PDE4D: variants seen among roughly 807,000 people sequenced by gnomAD.
The protein encoded by PDE4D is 3',5'-cyclic-AMP phosphodiesterase 4D.
In PDE4D, 24 loss-of-function variants were observed where a neutral mutation model predicts 87.4. The observed-to-expected ratio is 0.27, with a 90% CI of 0.20 to 0.39. The LOEUF is 0.39. Among genes scored for constraint, PDE4D ranks in the 10% least tolerant of loss-of-function variants. The pLI, the probability that PDE4D is intolerant of heterozygous loss-of-function variation, is 1.00. For missense variants in PDE4D, 714 were observed against 1,041.0 expected (o/e 0.69, Z 4.32); for synonymous variants, 384 against 383.2 (o/e 1.00, Z -0.02).
intron 3 of PDE4D, among the ~76,000 whole-genome samples, chr5:59,975,372 T>G (rs1039527007): frequency 1.3e-5 from 2 of 152,206 alleles, no homozygotes; most frequent in Non-Finnish European, 2.9e-5. Context: ...ACTTACATCT[T>G]AAAGTTCATT....
At chr5:60,200,519 A>G (rs1741780548) in intron 1 of PDE4D, among the ~76,000 whole-genome samples, 1 of 144,780 alleles carries the variant, frequency 6.9e-6, no homozygotes, top group African/African-American at 2.4e-5. Context: ...GCTAGAATCT[A>G]GAGCTAGAAA....
chr5:59,889,311 C>T (rs1221022149), intron 1 of PDE4D, among the ~76,000 whole-genome samples: 1 of 147,878 alleles, frequency 6.8e-6, no homozygotes, highest in South Asian at 2.1e-4. Flanking sequence ...TAGGTTTTAG[C>T]TCTTTTCCTT....
At chr5:59,543,400 G>A (rs1471879033) in intron 1 of PDE4D, among the ~76,000 whole-genome samples, 1 of 152,080 alleles carries the variant, frequency 6.6e-6, no homozygotes, top group Non-Finnish European at 1.5e-5. Flanking sequence ...GAGTAGAAAT[G>A]GCTTTATCAA....
intron 1 of PDE4D, among the ~76,000 whole-genome samples, chr5:59,226,086 T>C (rs1351854310): frequency 1.3e-5 from 2 of 151,980 alleles, no homozygotes; most frequent in Non-Finnish European, 2.9e-5. Flanking sequence ...TAAAAAACAG[T>C]ATGGAAGTTC....
intron 2 of PDE4D, among the ~76,000 whole-genome samples, chr5:60,029,550 C>T (rs1766994748): frequency 6.6e-6 from 1 of 152,144 alleles, no homozygotes; most frequent in African/African-American, 2.4e-5. Flanking sequence ...CTAAGCTATG[C>T]CCTAACCACC....
Position 59,981,252 on chromosome 5 carries a change from A to AAAAAC in PDE4D, c.272+7231_272+7235dup, listed in dbSNP as rs377539452. ...GGGTGACACAGCAAGACTCCGTTTC[A>AAAAAC]AAAACAAAACAAAACAAAACAAAAC... On this transcript the variant is annotated intron_variant, in intron 3 of 16. Transcript: ENST00000502484. 7.4e-3 allele frequency among the ~76,000 whole-genome samples: 1,124 copies of AAAAAC among 152,224 alleles called. 17 individuals are homozygous for AAAAAC. The highest frequency in any genetic ancestry group is 0.025 in the African/African-American group (1,031 of 41,506).
chr5:59,136,352 T>C (rs1180774104), intron 5 of PDE4D, among the ~76,000 whole-genome samples: 1 of 152,214 alleles, frequency 6.6e-6, no homozygotes, highest in African/African-American at 2.4e-5. Flanking sequence ...AGCTTGGCAA[T>C]ATTTATGAAA....
At chr5:59,897,809 C>A (rs958480243), upstream of PDE4D, among the ~76,000 whole-genome samples, 22 of 152,112 alleles carry the variant, frequency 1.4e-4, no homozygotes, top group African/African-American at 5.1e-4. Flanking sequence ...AAATTTTCAT[C>A]ATCATATGTG....
At chr5:60,422,394 A>C (rs1452292385) in intron 1 of PDE4D, among the ~76,000 whole-genome samples, 2 of 152,232 alleles carry the variant, frequency 1.3e-5, no homozygotes, top group African/African-American at 4.8e-5. Flanking sequence ...AATATTCGAC[A>C]TTCTTAAAGA....
At chr5:59,933,232 T>C (rs1483142250) in intron 3 of PDE4D, among the ~76,000 whole-genome samples, 1 of 152,240 alleles carries the variant, frequency 6.6e-6, no homozygotes, top group South Asian at 2.1e-4. Flanking sequence ...TTTGAGAAGA[T>C]ACTTCCATAA....
intron 5 of PDE4D, among the ~76,000 whole-genome samples, chr5:59,081,242 C>T (rs923359244): frequency 6.6e-6 from 1 of 151,960 alleles, no homozygotes; most frequent in African/African-American, 2.4e-5. Context: ...AATATATAAG[C>T]AATATTTTAT....
chr5:59,180,301 G>A, intron 5 of PDE4D: 1 of 561,104 alleles, frequency 1.8e-6, no homozygotes, highest in Non-Finnish European at 3.3e-6. Flanking sequence ...TGACTTGAAA[G>A]TAACATCATC....
chr5:59,326,916 A>G (rs953398159), intron 1 of PDE4D, among the ~76,000 whole-genome samples: 15 of 152,140 alleles, frequency 9.9e-5, no homozygotes, highest in Non-Finnish European at 1.5e-4. Context: ...AAAGCCAGAG[A>G]ATACAATTCA....
At chr5:59,006,503 G>C (rs377709453) in intron 6 of PDE4D, among the ~76,000 whole-genome samples, 1 of 152,112 alleles carries the variant, frequency 6.6e-6, no homozygotes, top group East Asian at 1.9e-4. Context: ...GATGGCTTGA[G>C]GCCAGGAGTT....
intron 5 of PDE4D, among the ~76,000 whole-genome samples, chr5:59,081,518 T>TAAAAAAAAAAAAAAAAAAA (rs35050580): frequency 2.2e-5 from 3 of 135,432 alleles, no homozygotes; most frequent in Admixed American, 1.5e-4. Context: ...AGTAATCAGG[T>TAAAAAAAAAAAAAAAAAAA]AAAAAAAAAA....
intron 6 of PDE4D, among the ~76,000 whole-genome samples, chr5:59,007,140 T>C (rs1316991125): frequency 1.3e-5 from 2 of 152,246 alleles, no homozygotes; most frequent in Admixed American, 6.5e-5. Flanking sequence ...TTAAAATAAG[T>C]GTATTAGCTC....
intron 3 of PDE4D, among the ~76,000 whole-genome samples, chr5:59,973,712 G>C (rs1431810147): frequency 6.6e-6 from 1 of 151,988 alleles, no homozygotes; most frequent in Non-Finnish European, 1.5e-5. Flanking sequence ...ACAAATGAAG[G>C]CTCCTCTGCT....
intron 5 of PDE4D, among the ~76,000 whole-genome samples, chr5:59,139,853 G>A (rs948870458): frequency 2.0e-5 from 3 of 152,104 alleles, no homozygotes; most frequent in Admixed American, 1.3e-4. Flanking sequence ...GAGGAACTGA[G>A]AAACTGGGGG....
At chr5:59,593,182 T>C (rs1018082790) in intron 1 of PDE4D, among the ~76,000 whole-genome samples, 1 of 152,056 alleles carries the variant, frequency 6.6e-6, no homozygotes. Context: ...TCTTAAGCTT[T>C]TCTAAAGGCT....
Sources: allele counts gnomAD v4.1 joint callset (sites outside exome capture counted in the v4.1 genomes callset), GRCh38; gene constraint gnomAD v4.1.1; transcripts MANE v1.5; gene names NCBI Gene and HGNC (gene_info 2026-07-23, HGNC 2026-07-21).